MMP28: variants seen among roughly 807,000 people sequenced by gnomAD.
MMP28 encodes matrix metallopeptidase 28.
In MMP28, 55 loss-of-function variants were observed where a neutral mutation model predicts 60.5. That is an observed-to-expected ratio of 0.91 (90% CI 0.73 to 1.14). The LOEUF is 1.14. Ranked by LOEUF, MMP28 falls within the 50% of genes most tolerant of loss-of-function variation. The pLI is 0.00. For synonymous variants in MMP28, 318 were observed against 312.5 expected (o/e 1.02, Z -0.18); for missense variants, 686 against 738.3 (o/e 0.93, Z 0.82).
In MMP28 at chr17:35,790,432, G is replaced by A. The variant is rs549801920; in HGVS notation, c.111+4835C>T. The stretch of plus-strand genomic sequence containing the variant: ...TATGGCCCAGCCTATGGTCTCAGTT[G>A]GTAAATTATTGATATGCACCTGAAA... On this transcript the variant is annotated intron_variant, in intron 1 of 7. Transcript: ENST00000605424. Among the ~76,000 whole-genome samples the A allele has an allele frequency of 5.3e-5, 8 of 152,280 alleles. No homozygotes were observed. The South Asian group carries it at 1.7e-3, about 32-fold the overall frequency.
intron 1 of MMP28, among the ~76,000 whole-genome samples, chr17:35,791,077 G>A (rs1466243710): frequency 2.0e-5 from 3 of 151,190 alleles, no homozygotes; most frequent in Admixed American, 6.6e-5. Context: ...ACCTGCCCCC[G>A]CTTGCCTTGT....
At chr17:35,794,479 A>G (rs1181932929) in intron 1 of MMP28, among the ~76,000 whole-genome samples, 1 of 151,800 alleles carries the variant, frequency 6.6e-6, no homozygotes, top group Admixed American at 6.6e-5. Flanking sequence ...CTCCTGACCT[A>G]AGGTTATCCG....
Position 35,766,783 on chromosome 17 carries a change from A to G in MMP28, c.1280T>C (p.Leu427Pro). ...ACCCTTGAAGAGGATGAGGCGGCGC[A>G]GAGGAGGGAAGAAGAGGGCGGCGTC... ...HPDAALFFPP[L>P]RRLILFKGAR... Residue 427 changes from leucine (L) to proline (P), a missense_variant, in exon 8 of 8, where the codon CTG (leucine) becomes CCG (proline). Coordinates refer to ENST00000605424, the MANE Select transcript of MMP28 (RefSeq NM_024302.5). This position sits in a 1 kb window ranked among gnomAD's most constrained non-coding sequence, Gnocchi z 4.3. The G allele has an allele frequency of 6.4e-7, 1 of 1,574,280 alleles. No individual in the cohort carries two copies. The highest frequency in any genetic ancestry group is 1.2e-5 in the South Asian group (1 of 85,918).
chr17:35,791,781 T>C (rs1457102409), intron 1 of MMP28, among the ~76,000 whole-genome samples: 2 of 152,178 alleles, frequency 1.3e-5, no homozygotes, highest in Non-Finnish European at 2.9e-5. Flanking sequence ...TTTTTTCCTG[T>C]TCTCAATCAC....
chr17:35,762,969 A>C (rs1418863489), downstream of MMP28, among the ~76,000 whole-genome samples: 2 of 152,004 alleles, frequency 1.3e-5, no homozygotes, highest in Non-Finnish European at 2.9e-5. Flanking sequence ...AAAAATACAA[A>C]AAATTAGCTG....
chr17:35,761,068 A>T, downstream of MMP28: 10 of 1,077,774 alleles, frequency 9.3e-6, no homozygotes, highest in Non-Finnish European at 9.1e-6. Flanking sequence ...CCATCCATGT[A>T]GCTGCAAGCC....
At chr17:35,761,099 AT>A (rs10533957), downstream of MMP28, 70,276 of 499,884 alleles carry the variant, frequency 0.14, 207 homozygotes, top group South Asian at 0.17. Context: ...GCCTTCCTGA[AT>A]TTTTTTTTTT....
chr17:35,775,897 G>T (rs763760763), intron 3 of MMP28, among the ~76,000 whole-genome samples: 1 of 151,918 alleles, frequency 6.6e-6, no homozygotes, highest in Non-Finnish European at 1.5e-5. Context: ...TTTTTGAGAC[G>T]GAGTCTTGCT....
At chr17:35,787,172 G>C (rs1555610687) in intron 1 of MMP28, among the ~76,000 whole-genome samples, 1 of 152,216 alleles carries the variant, frequency 6.6e-6, no homozygotes, top group Non-Finnish European at 1.5e-5. Flanking sequence ...GGTTAGAGCA[G>C]AGGAAAGAAG....
At chr17:35,769,941 C>T (rs1357464827) in intron 5 of MMP28, 126 bp downstream of exon 5, 8 of 1,276,822 alleles carry the variant, frequency 6.3e-6, no homozygotes, top group Non-Finnish European at 5.3e-6. Flanking sequence ...TGGGACGAAT[C>T]GGCGACAGGG....
chr17:35,778,492 T>C (rs2086398512), intron 3 of MMP28: 2 of 285,980 alleles, frequency 7.0e-6, no homozygotes, highest in Non-Finnish European at 1.3e-5. Flanking sequence ...AAATATGCTA[T>C]GGACAAAGTA....
chr17:35,781,347 C>G (rs1312521394), intron 1 of MMP28, among the ~76,000 whole-genome samples: 2 of 152,130 alleles, frequency 1.3e-5, no homozygotes, highest in African/African-American at 4.8e-5. Context: ...TTTAAGATTA[C>G]CTTGGAGATT....
downstream of MMP28, chr17:35,764,504 CGA>C (rs77234473): frequency 8.7e-4 from 1,389 of 1,589,634 alleles, 15 homozygotes; most frequent in East Asian, 0.026. Context: ...GTGCTTGCTG[CGA>C]GCTCCTCTTC....
At chr17:35,772,188 T>G (rs1308353984) in intron 4 of MMP28, among the ~76,000 whole-genome samples, 2 of 152,174 alleles carry the variant, frequency 1.3e-5, no homozygotes, top group Admixed American at 6.5e-5. Context: ...CAACTCTCAC[T>G]GGGAGACGGA....
At chr17:35,772,196 G>A (rs566436849) in intron 4 of MMP28, among the ~76,000 whole-genome samples, 27 of 152,244 alleles carry the variant, frequency 1.8e-4, no homozygotes, top group South Asian at 1.7e-3. Flanking sequence ...ACTGGGAGAC[G>A]GATGGGCAGG....
At chr17:35,771,178 A>G (rs542615256) in intron 4 of MMP28, among the ~76,000 whole-genome samples, 13 of 152,332 alleles carry the variant, frequency 8.5e-5, no homozygotes, top group African/African-American at 3.1e-4. Flanking sequence ...CACGCCTGTA[A>G]TCCCAGCACT....
chr17:35,770,357 C>G, intron 4 of MMP28, 45 bp from the exon 5 acceptor site: 1 of 1,452,286 alleles, frequency 6.9e-7, no homozygotes. Flanking sequence ...GCCCACGACG[C>G]CCCCAGGTAC....
At chr17:35,779,953 A>G (rs1555608912) in intron 1 of MMP28, among the ~76,000 whole-genome samples, 1 of 152,234 alleles carries the variant, frequency 6.6e-6, no homozygotes, top group African/African-American at 2.4e-5. Flanking sequence ...GGTATTGATT[A>G]GGAGCTTATC....
chr17:35,794,108 C>A (rs1407043256), intron 1 of MMP28, among the ~76,000 whole-genome samples: 1 of 151,726 alleles, frequency 6.6e-6, no homozygotes, highest in Non-Finnish European at 1.5e-5. Flanking sequence ...AAAACAAAAA[C>A]AAAACAAAAC....
Sources: gnomAD v4.1 joint callset for allele counts (sites outside exome capture counted in the v4.1 genomes callset) on GRCh38, gnomAD v4.1.1 for gene constraint, Gnocchi (gnomAD v3.1) non-coding constraint, MANE v1.5 for transcripts, NCBI Gene and HGNC (gene_info 2026-07-23, HGNC 2026-07-21) for gene names.